KLHL13: variants seen among roughly 807,000 people sequenced by gnomAD.
KLHL13 encodes the protein kelch like family member 13.
KLHL13 carries 10 observed loss-of-function variants against 37.1 expected under a neutral mutation model. That is an observed-to-expected ratio of 0.27 (90% confidence interval 0.17 to 0.46). KLHL13 has a LOEUF of 0.46. KLHL13 is among the 20% of genes least tolerant of loss of function. The pLI is 1.00. For synonymous variants in KLHL13, 163 were observed against 181.2 expected (o/e 0.90, Z 0.81); for missense variants, 360 against 509.3 (o/e 0.71, Z 2.82).
At chrX:117,952,948 C>T (rs1213978341) in intron 1 of KLHL13, among the ~76,000 whole-genome samples, 1 of 111,095 alleles carries the variant, frequency 9.0e-6, no homozygotes. Context: ...CACTTTTACA[C>T]TGTTGGTGGG....
At chrX:118,007,747 G>T (rs756820422) in intron 1 of KLHL13, among the ~76,000 whole-genome samples, 1 of 111,274 alleles carries the variant, frequency 9.0e-6, no homozygotes, top group South Asian at 3.9e-4. Context: ...CAGGAAGGGA[G>T]GAGGACACAT....
intron 1 of KLHL13, among the ~76,000 whole-genome samples, chrX:118,030,816 G>C (rs993788394): frequency 9.0e-6 from 1 of 111,678 alleles, no homozygotes; most frequent in African/African-American, 3.3e-5. Flanking sequence ...CTTTTATCTT[G>C]AACGTCCTAG....
intron 1 of KLHL13, among the ~76,000 whole-genome samples, chrX:117,959,322 T>C (rs2053252692): frequency 8.9e-6 from 1 of 112,021 alleles, no homozygotes; most frequent in Admixed American, 9.5e-5. Flanking sequence ...GGTTATCTAT[T>C]GGACAATGAT....
chrX:117,947,500 C>T (rs1023387542), intron 1 of KLHL13: 15 of 111,745 alleles, frequency 1.3e-4, no homozygotes, highest in Admixed American at 4.8e-4. Context: ...AATGACATAT[C>T]CCGGAAATTG....
At chrX:118,004,863 A>T (rs2053964161) in intron 1 of KLHL13, among the ~76,000 whole-genome samples, 1 of 111,576 alleles carries the variant, frequency 9.0e-6, no homozygotes, top group African/African-American at 3.3e-5. Flanking sequence ...TGTCTGTGCA[A>T]TTCCTGCTGA....
intron 1 of KLHL13, among the ~76,000 whole-genome samples, chrX:117,983,734 G>A (rs1216090593): frequency 9.0e-6 from 1 of 111,480 alleles, no homozygotes; most frequent in Non-Finnish European, 1.9e-5. Context: ...CCCTTAACTA[G>A]AAAGCCATAA....
chrX:117,992,696 C>T (rs2147949630), intron 1 of KLHL13, among the ~76,000 whole-genome samples: 1 of 110,546 alleles, frequency 9.0e-6, no homozygotes, highest in East Asian at 2.8e-4. Context: ...ACAAGTTCTG[C>T]CCATTCTTAA....
At position 118,021,128 on chromosome X, in the gene KLHL13, A is replaced by G. The variant is rs756681806; in HGVS notation, c.-55-75553T>C. On this transcript the variant is annotated intron_variant, in intron 1 of 6. Coordinates refer to the KLHL13 transcript ENST00000371882. The stretch of plus-strand genomic sequence containing the variant: ...GCACATTGTGCACATGTACCCTAAA[A>G]CTTAAAGTATAATAATAAAAAAATA... Among the ~76,000 whole-genome samples, 15 of 107,140 alleles carry G rather than the reference A, an allele frequency of 1.4e-4. No homozygotes were observed. The South Asian group carries it at 6.9e-3, about 49-fold the overall frequency. 93.0% of individuals were successfully genotyped at this position (107,140 alleles called of 115,157 possible).
chrX:118,026,119 G>T (rs2054272595), intron 1 of KLHL13, among the ~76,000 whole-genome samples: 1 of 110,977 alleles, frequency 9.0e-6, no homozygotes, highest in Non-Finnish European at 1.9e-5. Flanking sequence ...TCCTTCTATG[G>T]TATCTGTCAA....
rs1320509030 is a variant in KLHL13, at chrX:117,990,638, A to G, written c.-55-45063T>C. Among the ~76,000 whole-genome samples, 3 of 111,950 alleles carry G rather than the reference A, an allele frequency of 2.7e-5. No individual in the cohort carries two copies. The Admixed American group carries it at 2.8e-4, about 11-fold the overall frequency. On this transcript the variant is annotated intron_variant, in intron 1 of 6. Coordinates refer to the KLHL13 transcript ENST00000371882. ...ACTACATGGAGCAAAAAAATGAAAT[A>G]GCAAATTCAACCAAGCAAGTCACTG...
chrX:118,035,298 AT>A (rs1453758607), intron 1 of KLHL13, among the ~76,000 whole-genome samples: 37 of 102,740 alleles, frequency 3.6e-4, no homozygotes, highest in African/African-American at 1.6e-3. Context: ...AATAAAGAGA[AT>A]TTTAGACCAA....
At chrX:117,900,719 C>T (rs890365497) in intron 6 of KLHL13, among the ~76,000 whole-genome samples, 1 of 111,206 alleles carries the variant, frequency 9.0e-6, no homozygotes, top group Non-Finnish European at 1.9e-5. Flanking sequence ...CACCCTTGGT[C>T]TCTAGTAATG....
chrX:118,097,625 G>A (rs771053021), intron 1 of KLHL13, among the ~76,000 whole-genome samples: 37 of 111,528 alleles, frequency 3.3e-4, no homozygotes, highest in African/African-American at 1.1e-3. Flanking sequence ...TTGCCAAGTC[G>A]ATTCCAAGCC....
chrX:117,952,861 T>C (rs1429733513), intron 1 of KLHL13, among the ~76,000 whole-genome samples: 5 of 107,488 alleles, frequency 4.7e-5, no homozygotes, highest in African/African-American at 1.7e-4. Flanking sequence ...TGAGATACCA[T>C]CTCACACCAG....
At chrX:118,080,682 C>T (rs1227099957) in intron 1 of KLHL13, among the ~76,000 whole-genome samples, 1 of 112,134 alleles carries the variant, frequency 8.9e-6, no homozygotes. Flanking sequence ...TTAGCTCAGC[C>T]ACTGTGGAAA....
chrX:118,062,338 C>T (rs972731188), intron 1 of KLHL13, among the ~76,000 whole-genome samples: 2 of 110,333 alleles, frequency 1.8e-5, no homozygotes, highest in African/African-American at 6.6e-5. Flanking sequence ...CCTTCTTTCT[C>T]TTATTATATA....
At chrX:117,961,678 G>T (rs1488492305) in intron 1 of KLHL13, among the ~76,000 whole-genome samples, 4 of 111,211 alleles carry the variant, frequency 3.6e-5, no homozygotes, top group Non-Finnish European at 7.5e-5. Flanking sequence ...GCTGTCGCTG[G>T]CCTTAACGAG....
intron 1 of KLHL13, among the ~76,000 whole-genome samples, chrX:118,020,293 T>C (rs1602656771): frequency 1.8e-5 from 2 of 111,559 alleles, no homozygotes; most frequent in Non-Finnish European, 3.8e-5. Flanking sequence ...GGCTCTTTGT[T>C]TGTCTGTTGT....
intron 1 of KLHL13, among the ~76,000 whole-genome samples, chrX:118,047,280 A>G (rs184497341): frequency 2.7e-5 from 3 of 112,411 alleles, no homozygotes; most frequent in Non-Finnish European, 5.6e-5. Context: ...ATAATCATGC[A>G]GTGAAGAAGG....
Sources: allele counts gnomAD v4.1 joint callset (sites outside exome capture counted in the v4.1 genomes callset), GRCh38; gene constraint gnomAD v4.1.1; transcripts MANE v1.5; gene names NCBI Gene and HGNC (gene_info 2026-07-23, HGNC 2026-07-21).